SLC38A11: variants seen among roughly 807,000 people sequenced by gnomAD.
SLC38A11 encodes putative sodium-coupled neutral amino acid transporter 11.
In SLC38A11, 51 loss-of-function variants were observed where a neutral mutation model predicts 49.4. That is an observed-to-expected ratio of 1.03 (90% CI 0.83 to 1.30). SLC38A11 has a LOEUF of 1.30. Ranked by LOEUF, SLC38A11 falls within the 50% of genes most tolerant of loss-of-function variation. The pLI is 0.00. For synonymous variants in SLC38A11, 203 were observed against 192.9 expected, an observed-to-expected ratio of 1.05 and a Z score of -0.43; for missense variants, 574 against 556.2, an observed-to-expected ratio of 1.03 and a Z score of -0.32.
At chr2:164,902,035 T>C (rs73015594) in intron 11 of SLC38A11, among the ~76,000 whole-genome samples, 6,639 of 138,746 alleles carry the variant, frequency 0.048, 353 homozygotes, top group African/African-American at 0.16. Context: ...TTCTCTCTCT[T>C]TTTTTTTTTT....
At position 164,955,407 on chromosome 2, in the gene SLC38A11, C is replaced by T. The variant is rs1035838630; in HGVS notation, c.-160G>A. ...GGGCGCCCCCTGCTCCCTCGGCAGG[C>T]CGCGAGGGCTGCAGCCCCAAGATCT... On this transcript the variant is annotated 5_prime_UTR_variant, in exon 1 of 12. Transcript: ENST00000685975. 2.0e-5 allele frequency: 13 copies of T among 647,106 alleles called. No homozygotes were observed. The highest frequency in any genetic ancestry group is 3.5e-5 in the Non-Finnish European group (13 of 370,098). 40.1% of individuals were successfully genotyped at this position (647,106 alleles called of 1,614,324 possible).
intron 3 of SLC38A11, chr2:164,949,836 G>A (rs1688401265): frequency 6.6e-6 from 1 of 152,206 alleles, no homozygotes; most frequent in Non-Finnish European, 1.5e-5. Flanking sequence ...CAGAGTGAGA[G>A]AGCAGTTAGA....
chr2:164,951,054 T>C (rs955557820), intron 3 of SLC38A11, among the ~76,000 whole-genome samples: 2 of 152,344 alleles, frequency 1.3e-5, no homozygotes, highest in Non-Finnish European at 2.9e-5. Context: ...ATTTGCAATA[T>C]GTGAATTTGC....
intron 3 of SLC38A11, chr2:164,950,246 CTTGATTCTCA>C (rs973890175): frequency 6.6e-6 from 1 of 152,120 alleles, no homozygotes; most frequent in African/African-American, 2.4e-5. Flanking sequence ...GATTCTCCTC[CTTGATTCTCA>C]TTGATTCTCA....
In SLC38A11 at chr2:164,894,879, CATGGT is replaced by C. The variant is rs1251048143; in HGVS notation, c.*3553_*3557del. ...CCTCATTTTCTTCCCTGAGATCTAG[CATGGT>C]ATTCCTACATCTTGCTTGTATTGTG... On this transcript the variant is annotated 3_prime_UTR_variant, in exon 12 of 12. Coordinates refer to ENST00000685975, the MANE Select transcript of SLC38A11 (RefSeq NM_001351537.2). 6.6e-6 allele frequency among the ~76,000 whole-genome samples: 1 copy of C among 152,176 alleles called. No individual in the cohort carries two copies. The highest frequency in any genetic ancestry group is 1.5e-5 in the Non-Finnish European group (1 of 68,038).
rs116309410 is a variant in SLC38A11 at position 164,934,936 on chromosome 2, G to A, written c.617+2414C>T. ...TAAATATCAGTAGAATTAAGTATAC[G>A]TTTTTGTGCTTTTATACATACTTTT... On this transcript the variant is annotated intron_variant, in intron 7 of 11. Transcript: ENST00000685975. Among the ~76,000 whole-genome samples, 571 of 152,088 alleles carry A rather than the reference G, an allele frequency of 3.8e-3. 4 individuals carry two copies. Among genetic ancestry groups the A allele is most frequent in the African/African-American group, 0.013 (546 of 41,500 alleles).
rs200284770 is a variant in SLC38A11, at chr2:164,947,117, C to CTTTTTTTTTTTTTTTTT, written c.230-1407_230-1391dup. On this transcript the variant is annotated intron_variant, in intron 3 of 11. Coordinates refer to ENST00000685975, the MANE Select transcript of SLC38A11 (RefSeq NM_001351537.2). ...CCTGGATTCTTGGACTTTTTTATCT[C>CTTTTTTTTTTTTTTTTT]TTTTTTTTTTTTTTTTTTTTTTTTT... 2.9e-4 allele frequency among the ~76,000 whole-genome samples: 21 copies of CTTTTTTTTTTTTTTTTT among 72,910 alleles called. 4 individuals are homozygous for CTTTTTTTTTTTTTTTTT. The highest frequency in any genetic ancestry group is 1.5e-3 in the African/African-American group (19 of 12,992). The allele number at this position is 72,910 out of a possible 152,430, so 47.8% of individuals were successfully genotyped here.
chr2:164,914,823 C>T (rs774113703), intron 9 of SLC38A11, among the ~76,000 whole-genome samples: 40 of 151,870 alleles, frequency 2.6e-4, no homozygotes, highest in African/African-American at 4.1e-4. Flanking sequence ...GATTGGGAGG[C>T]CACTGGTACC....
intron 7 of SLC38A11, among the ~76,000 whole-genome samples, chr2:164,935,146 T>G (rs938401316): frequency 6.6e-6 from 1 of 152,114 alleles, no homozygotes; most frequent in Non-Finnish European, 1.5e-5. Context: ...TGCTTTGCAC[T>G]TATCACCTTG....
intron 2 of SLC38A11, 37 bp from the exon 3 acceptor site, chr2:164,952,818 C>T: frequency 6.7e-7 from 1 of 1,494,384 alleles, no homozygotes; most frequent in Non-Finnish European, 9.2e-7. Context: ...TTCACATTAA[C>T]AAGAAAGCTA....
chr2:164,946,484 C>G (rs910450680), intron 3 of SLC38A11, among the ~76,000 whole-genome samples: 1 of 145,412 alleles, frequency 6.9e-6, no homozygotes, highest in African/African-American at 2.6e-5. Flanking sequence ...GAGAATCGCT[C>G]AAATCCAGGA....
chr2:164,953,865 TA>T (rs746216638), intron 2 of SLC38A11, among the ~76,000 whole-genome samples: 3 of 152,148 alleles, frequency 2.0e-5, no homozygotes, highest in Non-Finnish European at 2.9e-5. Flanking sequence ...TTTTCTGAGA[TA>T]GAGTGTTTTC....
At position 164,898,266 on chromosome 2, in the gene SLC38A11, A is replaced by T; in HGVS notation, c.*171T>A. The T allele has an allele frequency of 1.8e-6, 1 of 567,502 alleles. No individual in the cohort carries two copies. The highest frequency in any genetic ancestry group is 3.1e-6 in the Non-Finnish European group (1 of 323,236). 35.2% of individuals were successfully genotyped at this position (567,502 alleles called of 1,614,324 possible). A position where few individuals can be genotyped will look rare whatever the true frequency, so the allele number is the denominator to read the frequency against. The stretch of plus-strand genomic sequence containing the variant: ...TTATTTTGTTCCAGTTAAAGGTGAA[A>T]TACATTCAATTTTTCTTTTCTTTAT... On this transcript the variant is annotated 3_prime_UTR_variant, in exon 12 of 12. Transcript: ENST00000685975.
chr2:164,915,191 A>C lies in SLC38A11; in HGVS notation c.771T>G (p.His257Gln). Residue 257 changes from histidine (H) to glutamine (Q), a missense_variant, in exon 9 of 12, where the codon CAT (histidine) becomes CAG (glutamine). Physicochemically the swap from His to Gln is conservative, Grantham distance 24. Transcript: ENST00000685975. ...PTVAKWSRLIHMSIVISVFIC... is the reference protein window; with the variant it reads ...PTVAKWSRLIQMSIVISVFIC... Reference sequence around the variant, plus strand: ...TAAATACAGAAATCACGATGGACATATGGATAAGGCGGGACCACTTAGCTA... The same window carrying C: ...TAAATACAGAAATCACGATGGACATCTGGATAAGGCGGGACCACTTAGCTA... The C allele has an allele frequency of 6.2e-7, 1 of 1,612,782 alleles. No individual in the cohort carries two copies. The highest frequency in any genetic ancestry group is 8.5e-7 in the Non-Finnish European group (1 of 1,179,114).
chr2:164,929,884 AG>A (rs147214086), intron 7 of SLC38A11, among the ~76,000 whole-genome samples: 13,582 of 152,158 alleles, frequency 0.089, 840 homozygotes, highest in Middle Eastern at 0.19. Flanking sequence ...AAAACCCAAA[AG>A]CTAGCAGAAG....
intron 7 of SLC38A11, among the ~76,000 whole-genome samples, chr2:164,921,638 T>C (rs1439667579): frequency 3.9e-5 from 6 of 152,152 alleles, no homozygotes; most frequent in African/African-American, 1.4e-4. Flanking sequence ...CCTGTGAATG[T>C]ATTCTTTTGA....
Position 164,915,917 on chromosome 2 carries a change from C to G in SLC38A11, c.674G>C (p.Gly225Ala), listed in dbSNP as rs1197080959. The G allele has an allele frequency of 6.2e-7, 1 of 1,603,172 alleles. No individual in the cohort carries two copies. Among genetic ancestry groups the G allele is most frequent in the Non-Finnish European group, 8.5e-7 (1 of 1,171,908 alleles). ...FAKPNAIQAV[G>A]VMSFAFICHH... ...CAAATACTCACCAAAAGACATAACC[C>G]CGACCGCTTGAATGGCATTGGGCTT... Residue 225 changes from glycine to alanine, a missense_variant, in exon 8 of 12, where the codon GGG becomes GCG. Coordinates refer to ENST00000685975, the MANE Select transcript of SLC38A11 (RefSeq NM_001351537.2).
chr2:164,908,363 G>A (rs1685162879), intron 11 of SLC38A11, among the ~76,000 whole-genome samples: 1 of 151,996 alleles, frequency 6.6e-6, no homozygotes, highest in Non-Finnish European at 1.5e-5. Context: ...TGCACATTGT[G>A]GGATGTATAT....
At chr2:164,950,709 A>G (rs951430298) in intron 3 of SLC38A11, among the ~76,000 whole-genome samples, 1 of 152,160 alleles carries the variant, frequency 6.6e-6, no homozygotes, top group African/African-American at 2.4e-5. Flanking sequence ...TTTGCTGTAA[A>G]TTTTTATAAT....
Sources: gnomAD v4.1 joint callset for allele counts (sites outside exome capture counted in the v4.1 genomes callset) on GRCh38, gnomAD v4.1.1 for gene constraint, MANE v1.5 for transcripts, NCBI Gene and HGNC (gene_info 2026-07-23, HGNC 2026-07-21) for gene names.